Variants in PAWR observed in about 807,000 individuals in gnomAD.
PAWR encodes the protein pro-apoptotic WT1 regulator, also known as PRKC apoptosis WT1 regulator protein.
In PAWR, 23 loss-of-function variants were observed where a neutral mutation model predicts 32.0. The observed-to-expected ratio is 0.72, with a 90% confidence interval of 0.52 to 1.02. The LOEUF (loss-of-function observed/expected upper bound fraction) is 1.02, where lower values mean the gene tolerates loss of function less well. PAWR is among the 50% of genes least tolerant of loss of function. PAWR has a pLI of 0.00. For synonymous variants in PAWR, 226 were observed against 187.1 expected, an observed-to-expected ratio of 1.21 and a Z score of -1.70; for missense variants, 457 against 437.7, an observed-to-expected ratio of 1.04 and a Z score of -0.39.
chr12:79,656,438 C>A (rs1877098235), intron 2 of PAWR, among the ~76,000 whole-genome samples: 1 of 152,076 alleles, frequency 6.6e-6, no homozygotes, highest in African/African-American at 2.4e-5. Flanking sequence ...GGATGCGTAA[C>A]ATGGGGGTGA....
At chr12:79,640,925 G>T (rs753183240) in intron 2 of PAWR, among the ~76,000 whole-genome samples, 1 of 152,154 alleles carries the variant, frequency 6.6e-6, no homozygotes, top group Non-Finnish European at 1.5e-5. Context: ...CTGTGTATCT[G>T]AGAGTTTGAA....
Position 79,621,207 on chromosome 12 carries a change from A to T in PAWR, c.517T>A (p.Cys173Ser). The change falls in exon 3 of 7, where the codon TGC becomes AGC. Residue 173 changes from cysteine to serine, a missense_variant and splice_region_variant. Transcript: ENST00000328827. Reference sequence around the variant, plus strand: ...TCATCATCTTCGTACTCATCTAAGCACTGAAAGAAAAAAAGAGTTTCCATT... The same window carrying T: ...TCATCATCTTCGTACTCATCTAAGCTCTGAAAGAAAAAAAGAGTTTCCATT... ...TGVVNIPAAECLDEYEDDEAG... is the reference protein window; with the variant it reads ...TGVVNIPAAESLDEYEDDEAG... 2.5e-6 allele frequency: 4 copies of T among 1,592,656 alleles called. No individual in the cohort carries two copies. The highest frequency in any genetic ancestry group is 4.5e-5 in the East Asian group (2 of 44,672).
chr12:79,593,998 C>G (rs1311822467), intron 6 of PAWR, among the ~76,000 whole-genome samples: 1 of 152,080 alleles, frequency 6.6e-6, no homozygotes, highest in Admixed American at 6.5e-5. Context: ...GCCACAGCGC[C>G]TGGCCAATTT....
Position 79,586,731 on chromosome 12 carries a change from G to C in PAWR, c.*5876C>G, listed in dbSNP as rs1873395280. On this transcript the variant is annotated 3_prime_UTR_variant, in exon 7 of 7. Coordinates refer to ENST00000328827, the MANE Select transcript of PAWR (RefSeq NM_002583.4). ...TGTTCAACTATTTGACACAAAAGGA[G>C]CTTTTTCCTTTCTTTAAAAGGATTT... The C allele has an allele frequency of 6.6e-6, 1 of 152,122 alleles. No individual in the cohort carries two copies. Among genetic ancestry groups the C allele is most frequent in the Non-Finnish European group, 1.5e-5 (1 of 67,984 alleles). The allele number at this position is 152,122 out of a possible 1,614,324, so 9.4% of individuals were successfully genotyped here. A position where few individuals can be genotyped will look rare whatever the true frequency, so the allele number is the denominator to read the frequency against.
chr12:79,592,854 G>A (rs549234378), intron 6 of PAWR, among the ~76,000 whole-genome samples, 161 bp from the exon 7 acceptor site: 67 of 152,136 alleles, frequency 4.4e-4, no homozygotes, highest in Non-Finnish European at 5.3e-4. Context: ...CCAAAAAAGA[G>A]CATCCATTAC....
chr12:79,641,944 T>C (rs1876347189), intron 2 of PAWR, among the ~76,000 whole-genome samples: 1 of 151,108 alleles, frequency 6.6e-6, no homozygotes. Flanking sequence ...ATCACAAATA[T>C]TTGAGATGCT....
At chr12:79,685,892 C>A (rs561121207) in intron 2 of PAWR, among the ~76,000 whole-genome samples, 87 of 152,176 alleles carry the variant, frequency 5.7e-4, no homozygotes, top group African/African-American at 2.0e-3. Flanking sequence ...TACATACACA[C>A]AAAATACACA....
chr12:79,629,066 A>G (rs1443004457), intron 2 of PAWR, among the ~76,000 whole-genome samples: 1 of 152,080 alleles, frequency 6.6e-6, no homozygotes, highest in Non-Finnish European at 1.5e-5. Context: ...ATTAAACAAT[A>G]CTCAACACAA....
intron 4 of PAWR, chr12:79,603,667 A>ATTTTTTTT (rs899732732): frequency 1.0e-5 from 1 of 97,896 alleles, no homozygotes; most frequent in African/African-American, 4.0e-5. Flanking sequence ...TCATTATGCT[A>ATTTTTTTT]TTTTTTTTTT....
At chr12:79,614,399 C>T (rs1874627976) in intron 3 of PAWR, among the ~76,000 whole-genome samples, 1 of 151,682 alleles carries the variant, frequency 6.6e-6, no homozygotes, top group African/African-American at 2.4e-5. Flanking sequence ...GTAATTAGTT[C>T]CTATTTTTAA....
At chr12:79,614,479 TA>T (rs370046121) in intron 3 of PAWR, among the ~76,000 whole-genome samples, 119 of 150,972 alleles carry the variant, frequency 7.9e-4, no homozygotes, top group African/African-American at 2.7e-3. Context: ...TCTAAGCTAC[TA>T]AAAAAAAAGG....
chr12:79,620,992 T>C (rs1286686226), intron 3 of PAWR, 84 bp downstream of exon 3: 15 of 969,662 alleles, frequency 1.5e-5, no homozygotes, highest in Admixed American at 9.6e-5. Flanking sequence ...ATGGGAGATA[T>C]ATTACTACAT....
chr12:79,632,314 T>TATATATATATATAC (rs1875692277), intron 2 of PAWR, among the ~76,000 whole-genome samples: 1 of 18,114 alleles, frequency 5.5e-5, no homozygotes, highest in East Asian at 1.7e-3. Context: ...TATACATACA[T>TATATATATATATAC]ATATATATAT....
At chr12:79,613,667 T>C (rs1874541957) in intron 3 of PAWR, 58 bp from the exon 4 acceptor site, 2 of 860,284 alleles carry the variant, frequency 2.3e-6, no homozygotes, top group Middle Eastern at 2.5e-4. Flanking sequence ...AATTACTTAT[T>C]ATATAAAATA....
At chr12:79,641,413 A>G (rs1876314907) in intron 2 of PAWR, among the ~76,000 whole-genome samples, 1 of 152,198 alleles carries the variant, frequency 6.6e-6, no homozygotes, top group African/African-American at 2.4e-5. Context: ...AACTCAAGAC[A>G]TTCTGTCCGA....
chr12:79,634,958 C>T (rs9651966), intron 2 of PAWR, among the ~76,000 whole-genome samples: 34,904 of 152,042 alleles, frequency 0.23, 10,810 homozygotes, highest in African/African-American at 0.71. Context: ...CAGTCACTAA[C>T]AGCAGACCCA....
chr12:79,667,603 G>A (rs887684440), intron 2 of PAWR, among the ~76,000 whole-genome samples: 1 of 152,096 alleles, frequency 6.6e-6, no homozygotes, highest in Non-Finnish European at 1.5e-5. Flanking sequence ...AAATATAAAA[G>A]ACATATATGA....
At chr12:79,656,716 T>C (rs1182951042) in intron 2 of PAWR, among the ~76,000 whole-genome samples, 2 of 152,208 alleles carry the variant, frequency 1.3e-5, no homozygotes, top group African/African-American at 2.4e-5. Context: ...GTTGGAATAA[T>C]TGGGACCAGA....
At chr12:79,628,407 A>G (rs531780507) in intron 2 of PAWR, among the ~76,000 whole-genome samples, 1 of 152,306 alleles carries the variant, frequency 6.6e-6, no homozygotes, top group Admixed American at 6.5e-5. Context: ...AGATCTAGAA[A>G]AGCAAGAGCA....
Sources: gnomAD v4.1 joint callset for allele counts (sites outside exome capture counted in the v4.1 genomes callset) on GRCh38, gnomAD v4.1.1 for gene constraint, MANE v1.5 for transcripts, NCBI Gene and HGNC (gene_info 2026-07-23, HGNC 2026-07-21) for gene names.